Variants in PARVA observed in about 807,000 individuals in gnomAD.
PARVA encodes the protein parvin alpha, also known as alpha-parvin.
Under a neutral mutation model 52.6 loss-of-function variants are expected in PARVA, and 25 were observed. The observed-to-expected ratio is 0.48, with a 90% CI of 0.35 to 0.66. The LOEUF (loss-of-function observed/expected upper bound fraction) is 0.66. Ranked by LOEUF, PARVA falls within the 30% of genes least tolerant of loss-of-function variation. The probability of loss-of-function intolerance (pLI) is 0.01; values close to 1 mark genes in which losing one functional copy is unlikely to be tolerated. For synonymous variants in PARVA, 185 were observed against 179.1 expected (o/e 1.03, Z -0.26); for missense variants, 373 against 450.9 (o/e 0.83, Z 1.56).
intron 1 of PARVA, among the ~76,000 whole-genome samples, chr11:12,418,185 C>T (rs1940096587): frequency 6.6e-6 from 1 of 152,204 alleles, no homozygotes; most frequent in Admixed American, 6.5e-5. Context: ...CAATGAGAGT[C>T]TGAGGTGGAA....
chr11:12,485,371 G>A (rs1941144667), intron 4 of PARVA, among the ~76,000 whole-genome samples: 1 of 152,128 alleles, frequency 6.6e-6, no homozygotes, highest in South Asian at 2.1e-4. Flanking sequence ...TTTCCAACAG[G>A]AGAAACCAGG....
At chr11:12,452,447 CACA>C (rs759975615) in intron 1 of PARVA, among the ~76,000 whole-genome samples, 1 of 152,142 alleles carries the variant, frequency 6.6e-6, no homozygotes, top group Non-Finnish European at 1.5e-5. Flanking sequence ...AGGCTCTCCC[CACA>C]ACAACTGAGA....
At chr11:12,427,058 A>G (rs1332773873) in intron 1 of PARVA, among the ~76,000 whole-genome samples, 1 of 152,254 alleles carries the variant, frequency 6.6e-6, no homozygotes, top group Non-Finnish European at 1.5e-5. Flanking sequence ...TAAAGCAAAC[A>G]GCATGAGAAA....
intron 5 of PARVA, among the ~76,000 whole-genome samples, chr11:12,498,988 T>C (rs965205640): frequency 3.9e-5 from 6 of 152,256 alleles, no homozygotes; most frequent in Admixed American, 2.0e-4. Context: ...TTCTATTTCA[T>C]AGGGTAGATA....
intron 1 of PARVA, among the ~76,000 whole-genome samples, chr11:12,428,152 G>A (rs548889965): frequency 2.0e-5 from 3 of 152,326 alleles, no homozygotes; most frequent in African/African-American, 7.2e-5. Context: ...GAAATTTACA[G>A]AACAGTGGCA....
At chr11:12,499,723 C>G (rs909867391) in intron 5 of PARVA, among the ~76,000 whole-genome samples, 4 of 151,954 alleles carry the variant, frequency 2.6e-5, no homozygotes, top group Non-Finnish European at 5.9e-5. Context: ...CACTGCCCAC[C>G]TAGAGACAAG....
intron 4 of PARVA, among the ~76,000 whole-genome samples, chr11:12,490,281 T>C (rs1311363016): frequency 6.7e-6 from 1 of 150,116 alleles, no homozygotes; most frequent in Admixed American, 6.7e-5. Context: ...CCCAGCACTT[T>C]GGGAGGCTGA....
intron 1 of PARVA, among the ~76,000 whole-genome samples, chr11:12,464,416 A>C (rs534943797): frequency 8.3e-4 from 126 of 152,316 alleles, no homozygotes; most frequent in African/African-American, 2.8e-3. Flanking sequence ...TTAATTGTTC[A>C]ATTCCAGCAT....
At chr11:12,523,091 A>C (rs1399168278) in intron 12 of PARVA, among the ~76,000 whole-genome samples, 5 of 152,162 alleles carry the variant, frequency 3.3e-5, no homozygotes, top group Non-Finnish European at 7.3e-5. Context: ...TTCTGGATGT[A>C]TGTCATATTT....
chr11:12,444,158 C>T (rs1940511150), intron 1 of PARVA, among the ~76,000 whole-genome samples: 1 of 152,008 alleles, frequency 6.6e-6, no homozygotes, highest in Non-Finnish European at 1.5e-5. Flanking sequence ...TGAGGTTGGC[C>T]CCAAATGGTA....
At chr11:12,525,600 G>A (rs1310280899) in intron 12 of PARVA, among the ~76,000 whole-genome samples, 1 of 152,146 alleles carries the variant, frequency 6.6e-6, no homozygotes, top group Non-Finnish European at 1.5e-5. Flanking sequence ...AGTCAGGGGA[G>A]GACAGGAATT....
At chr11:12,499,080 A>G (rs1434022260) in intron 5 of PARVA, among the ~76,000 whole-genome samples, 1 of 152,206 alleles carries the variant, frequency 6.6e-6, no homozygotes, top group East Asian at 1.9e-4. Flanking sequence ...AGATAGCACC[A>G]AACTGAATGT....
chr11:12,457,390 T>G (rs1330988354), intron 1 of PARVA, among the ~76,000 whole-genome samples: 1 of 152,208 alleles, frequency 6.6e-6, no homozygotes, highest in Non-Finnish European at 1.5e-5. Context: ...TCCATGGATT[T>G]CCAGTTGCTG....
rs1180380526 is a variant in PARVA at position 12,443,169 on chromosome 11, C to CTTTTT, written c.137-30559_137-30555dup. Among the ~76,000 whole-genome samples, 28 of 78,326 alleles carry CTTTTT rather than the reference C, an allele frequency of 3.6e-4. 2 individuals carry two copies. Among genetic ancestry groups the CTTTTT allele is most frequent in the East Asian group, 1.6e-3 (4 of 2,468 alleles). 51.4% of individuals were successfully genotyped at this position (78,326 alleles called of 152,430 possible). On this transcript the variant is annotated intron_variant, in intron 1 of 12. Transcript: ENST00000334956. ...AGCCACCATGCCCGGCGCCCCCCTT[C>CTTTTT]TTTTTTTTTTTTTTTTTTTTTGAGA...
intron 1 of PARVA, among the ~76,000 whole-genome samples, chr11:12,472,133 A>G (rs914978267): frequency 6.6e-6 from 1 of 152,336 alleles, no homozygotes; most frequent in Non-Finnish European, 1.5e-5. Context: ...GGGATGTCCA[A>G]TCTTTTGGCT....
At chr11:12,496,720 C>G in intron 5 of PARVA, 122 bp downstream of exon 5, 1 of 931,724 alleles carries the variant, frequency 1.1e-6, no homozygotes, top group Non-Finnish European at 1.6e-6. Context: ...ACTCATTTAT[C>G]TTTGAACAAG....
chr11:12,520,779 A>T (rs1294378259), intron 12 of PARVA, among the ~76,000 whole-genome samples: 1 of 151,846 alleles, frequency 6.6e-6, no homozygotes, highest in East Asian at 1.9e-4. Flanking sequence ...GTGAGACCCC[A>T]CCTGTACAAA....
At chr11:12,406,284 A>G (rs72859096) in intron 1 of PARVA, among the ~76,000 whole-genome samples, 38,598 of 152,144 alleles carry the variant, frequency 0.25, 5,843 homozygotes, top group African/African-American at 0.42. Context: ...CTCAGTTTTT[A>G]TTCTTAAGGC....
At chr11:12,459,983 G>A (rs1343719510) in intron 1 of PARVA, among the ~76,000 whole-genome samples, 1 of 152,096 alleles carries the variant, frequency 6.6e-6, no homozygotes, top group Non-Finnish European at 1.5e-5. Context: ...GAATGACCAG[G>A]CAACCCCTAG....
Sources: gnomAD v4.1 joint callset for allele counts (sites outside exome capture counted in the v4.1 genomes callset) on GRCh38, gnomAD v4.1.1 for gene constraint, MANE v1.5 for transcripts, NCBI Gene and HGNC (gene_info 2026-07-23, HGNC 2026-07-21) for gene names.